Variants in ITGA5 observed in about 807,000 individuals in gnomAD.
ITGA5 encodes the protein integrin alpha-5.
Under a neutral mutation model 146.3 loss-of-function variants are expected in ITGA5, and 55 were observed. That is an observed-to-expected ratio of 0.38 (90% confidence interval 0.30 to 0.47). The LOEUF (loss-of-function observed/expected upper bound fraction) is 0.47. ITGA5 is among the 20% of genes least tolerant of loss of function. The pLI is 0.99. For missense variants in ITGA5, 1,131 were observed against 1,329.0 expected (o/e 0.85, Z 2.32); for synonymous variants, 500 against 531.8 (o/e 0.94, Z 0.82).
rs991102623 is a variant in ITGA5, at chr12:54,405,609, T to A, written c.1016+55A>T. 8 of 1,471,370 alleles carry A rather than the reference T, an allele frequency of 5.4e-6. No individual in the cohort carries two copies. The African/African-American group carries it at 1.1e-4, about 21-fold the overall frequency. The allele number at this position is 1,471,370 out of a possible 1,614,324, so 91.1% of individuals were successfully genotyped here. On this transcript the variant is annotated intron_variant, in intron 11 of 29. Coordinates refer to ENST00000293379, the MANE Select transcript of ITGA5 (RefSeq NM_002205.5). ...CTTGCATTTTCTGTCCCATTCCCAC[T>A]CTTCCCTCTTGGTTCTGGGAGGGTA...
At position 54,407,591 on chromosome 12, in the gene ITGA5, C is replaced by T. The variant is rs116466091; in HGVS notation, c.906+58G>A. Reference sequence around the variant, plus strand: ...TTGAGCCCTTGCAAACTGCCATGCACGGTTCTTTGTGATTAGGCAGGGGAG... The same window carrying T: ...TTGAGCCCTTGCAAACTGCCATGCATGGTTCTTTGTGATTAGGCAGGGGAG... On this transcript the variant is annotated intron_variant, in intron 9 of 29. Transcript: ENST00000293379. 1,215 of 1,447,170 alleles carry T rather than the reference C, an allele frequency of 8.4e-4. 12 individuals carry two copies. In the African/African-American group the frequency reaches 0.015, roughly 18 times the overall value. The allele number at this position is 1,447,170 out of a possible 1,614,324, so 89.6% of individuals were successfully genotyped here.
At position 54,411,724 on chromosome 12, in the gene ITGA5, A is replaced by ACGTGGC. The variant is rs1303685892; in HGVS notation, c.349+104_349+109dup. The ACGTGGC allele has an allele frequency of 7.7e-6, 7 of 910,744 alleles. No homozygotes were observed. In the East Asian group the frequency reaches 1.9e-4, roughly 25 times the overall value. 56.4% of individuals were successfully genotyped at this position (910,744 alleles called of 1,614,324 possible). A position where few individuals can be genotyped will look rare whatever the true frequency, so the allele number is the denominator to read the frequency against. On this transcript the variant is annotated intron_variant, in intron 2 of 29. Coordinates refer to ENST00000293379, the MANE Select transcript of ITGA5 (RefSeq NM_002205.5). ...GCACCAGAGCTGGTGCTGAGAGGTCACGTGGCCGGGGTTCCAGCAGGCTCC... is the reference window on the plus strand; with the variant it reads ...GCACCAGAGCTGGTGCTGAGAGGTCACGTGGCCGTGGCCGGGGTTCCAGCAGGCTCC...
At chr12:54,405,097 C>G in intron 12 of ITGA5, 69 bp downstream of exon 12, 15 of 1,401,958 alleles carry the variant, frequency 1.1e-5, no homozygotes, top group Non-Finnish European at 1.5e-5. Context: ...TGACAGATGC[C>G]CTCTCCCCAA....
chr12:54,402,565 G>A (rs1418381660), intron 19 of ITGA5, among the ~76,000 whole-genome samples: 1 of 151,980 alleles, frequency 6.6e-6, no homozygotes, highest in Non-Finnish European at 1.5e-5. Flanking sequence ...GCCCGGCATG[G>A]TGGCAGGCAC....
chr12:54,408,796 G>A lies in ITGA5; in HGVS notation c.651C>T (p.Gly217=), dbSNP rs2230393. The A allele has an allele frequency of 0.015, 24,967 of 1,613,076 alleles. 575 individuals are homozygous for A. Among genetic ancestry groups the A allele is most frequent in the South Asian group, 0.075 (6,856 of 91,004 alleles). The change falls in exon 6 of 30, where the codon GGC becomes GGT. Residue 217 remains glycine, a synonymous_variant. Coordinates refer to ENST00000293379, the MANE Select transcript of ITGA5 (RefSeq NM_002205.5). The stretch of plus-strand genomic sequence containing the variant: ...TTCCTGGTCCACCTAAAACCACACG[G>A]CCAGTCTGTGGGTGAAAGGAGGGGA... ...GGFSAEFTKT[G]RVVLGGPGSY...
rs199535300 is a variant in ITGA5, at chr12:54,405,859, G to A, written c.963+11C>T. 1 of 1,613,198 alleles carries A rather than the reference G, an allele frequency of 6.2e-7. No individual in the cohort carries two copies. Among genetic ancestry groups the A allele is most frequent in the South Asian group, 1.1e-5 (1 of 91,056 alleles). On this transcript the variant is annotated intron_variant, in intron 10 of 29. Transcript: ENST00000293379. ...AGGCCAAGCTGGGGTGGGGTTGAGG[G>A]GTATCCTTACCTGTTCCCCTGAGAA...
rs763209005 is a variant in ITGA5 at position 54,402,346 on chromosome 12, AG to A, written c.1983-17del. 1 of 1,598,052 alleles carries A rather than the reference AG, an allele frequency of 6.3e-7. No homozygotes were observed. Among genetic ancestry groups the A allele is most frequent in the South Asian group, 1.1e-5 (1 of 90,060 alleles). On this transcript the variant is annotated splice_polypyrimidine_tract_variant and intron_variant, in intron 19 of 29. Transcript: ENST00000293379. ...GTTCTGCTCCCTGGAAGGGACACAG[AG>A]GGTAAGGGACATTGGTGAATTAATC...
chr12:54,417,444 T>A (rs1430763573), intron 1 of ITGA5, among the ~76,000 whole-genome samples: 1 of 118,978 alleles, frequency 8.4e-6, no homozygotes, highest in African/African-American at 3.4e-5. Context: ...CAGGCCAGGG[T>A]GATGATGCAA....
intron 9 of ITGA5, chr12:54,407,313 CTAA>C: frequency 3.0e-6 from 1 of 338,374 alleles, no homozygotes; most frequent in East Asian, 5.5e-5. Context: ...TTGTCCTGGT[CTAA>C]TAATAACATC....
intron 29 of ITGA5, 79 bp from the exon 30 acceptor site, chr12:54,396,455 G>T: frequency 2.5e-6 from 3 of 1,200,060 alleles, no homozygotes; most frequent in Non-Finnish European, 3.7e-6. Flanking sequence ...GAAGTAATAA[G>T]GAGGACTCTA....
intron 2 of ITGA5, among the ~76,000 whole-genome samples, chr12:54,410,349 T>TC (rs1353716112): frequency 1.4e-5 from 2 of 143,540 alleles, no homozygotes; most frequent in Non-Finnish European, 3.1e-5. Context: ...TCCACCTCCT[T>TC]TTTTTTTTTT....
chr12:54,408,539 A>G (rs1955897502), intron 6 of ITGA5, among the ~76,000 whole-genome samples: 1 of 152,032 alleles, frequency 6.6e-6, no homozygotes, highest in African/African-American at 2.4e-5. Flanking sequence ...CAGCCTGGCC[A>G]AGATGGTGAA....
Position 54,399,967 on chromosome 12 carries a change from G to A in ITGA5, c.2644-20C>T. On this transcript the variant is annotated intron_variant, in intron 25 of 29. Transcript: ENST00000293379. ...ATCCAACTATAAAAGAAAGTGTTGG[G>A]CCCCTTTCCCATCTCATTACAGCTT... is the stretch of plus-strand genomic sequence containing the variant. The A allele has an allele frequency of 1.3e-6, 2 of 1,588,124 alleles. No homozygotes were observed. The highest frequency in any genetic ancestry group is 1.1e-5 in the South Asian group (1 of 90,558).
In ITGA5 at chr12:54,409,508, G is replaced by C. The variant is rs775266866; in HGVS notation, c.439C>G (p.Arg147Gly). 1 of 1,613,680 alleles carries C rather than the reference G, an allele frequency of 6.2e-7. No homozygotes were observed. Among genetic ancestry groups the C allele is most frequent in the Non-Finnish European group, 8.5e-7 (1 of 1,179,776 alleles). The change falls in exon 3 of 30, where the codon CGA becomes GGA. Residue 147 changes from arginine (R) to glycine (G), a missense_variant. Coordinates refer to ENST00000293379, the MANE Select transcript of ITGA5 (RefSeq NM_002205.5). The surrounding 1 kb of genome is among the most constrained non-coding windows in gnomAD (Gnocchi z 4.7). Reference protein sequence around the residue: ...KSLQWFGATVRAHGSSILACA... With the variant: ...KSLQWFGATVGAHGSSILACA... ...ACCAAGATGGAGGAGCCATGGGCTC[G>C]AACTGTTGCCCCGAACCACTGCAAG...
chr12:54,403,063 G>A lies in ITGA5; in HGVS notation c.1915-13C>T, dbSNP rs895865376. ...GCAAGATCTGAGCCTGGGGAGCAGG[G>A]CAGCCTTGAGAGGGGAAGTTTAGAC... On this transcript the variant is annotated splice_polypyrimidine_tract_variant and intron_variant, in intron 18 of 29. Coordinates refer to ENST00000293379, the MANE Select transcript of ITGA5 (RefSeq NM_002205.5). This position sits in a 1 kb window ranked among gnomAD's most constrained non-coding sequence, Gnocchi z 4.9. 3.7e-6 allele frequency: 6 copies of A among 1,613,936 alleles called. No homozygotes were observed. The Admixed American group carries it at 1.0e-4, about 27-fold the overall frequency.
At chr12:54,402,817 A>G (rs1955806130) in intron 19 of ITGA5, among the ~76,000 whole-genome samples, 166 bp downstream of exon 19, 1 of 152,232 alleles carries the variant, frequency 6.6e-6, no homozygotes, top group Non-Finnish European at 1.5e-5. Flanking sequence ...ATCTTTCCAA[A>G]AAGTCTGAGA....
chr12:54,404,738 C>G lies in ITGA5; in HGVS notation c.1382G>C (p.Arg461Pro). 6.2e-7 allele frequency: 1 copy of G among 1,614,130 alleles called. No individual in the cohort carries two copies. The highest frequency in any genetic ancestry group is 8.5e-7 in the Non-Finnish European group (1 of 1,180,026). The part of the protein sequence containing the change: ...HTPDFFGSAL[R>P]GGRDLDGNGY... ...ATTGCCATCCAGGTCTCGGCCTCCT[C>G]GAAGGGCAGAGCCAAAGAAGTCTGG... The change falls in exon 13 of 30, where the codon CGA (arginine) becomes CCA (proline). Residue 461 changes from arginine (R) to proline (P), a missense_variant. Around this residue, in one of 3 missense-constraint regions of ITGA5, gnomAD observed 889 missense variants for 1,021.5 expected, o/e 0.87. Transcript: ENST00000293379.
At position 54,404,825 on chromosome 12, in the gene ITGA5, G is replaced by A. The variant is rs1955840960; in HGVS notation, c.1295C>T (p.Pro432Leu). The change falls in exon 13 of 30, where the codon CCA becomes CTA. Residue 432 changes from proline to leucine, a missense_variant. Physicochemically the swap from Pro to Leu is moderately conservative, Grantham distance 98 (BLOSUM62 -3). Around this residue, in one of 3 missense-constraint regions of ITGA5, gnomAD observed 889 missense variants for 1,021.5 expected, o/e 0.87. Coordinates refer to ENST00000293379, the MANE Select transcript of ITGA5 (RefSeq NM_002205.5). ...GGAAGGCTTAGAGCCCAGCCCTCCT[G>A]GGCCCCCAGGAAATACAAACACTAC... is the stretch of plus-strand genomic sequence containing the variant. ...QGVVFVFPGG[P>L]GGLGSKPSQV... The A allele has an allele frequency of 1.2e-6, 2 of 1,612,110 alleles. No individual in the cohort carries two copies. Among genetic ancestry groups the A allele is most frequent in the Non-Finnish European group, 1.7e-6 (2 of 1,179,340 alleles).
intron 28 of ITGA5, among the ~76,000 whole-genome samples, chr12:54,398,198 T>C (rs532364878): frequency 6.6e-6 from 1 of 152,268 alleles, no homozygotes; most frequent in Non-Finnish European, 1.5e-5. Flanking sequence ...GCGCTCAGCC[T>C]CATATCTGTT....
Sources: gnomAD v4.1 joint callset for allele counts (sites outside exome capture counted in the v4.1 genomes callset) on GRCh38, gnomAD v4.1.1 for gene constraint, gnomAD v4.1.1 regional missense constraint, Gnocchi (gnomAD v3.1) non-coding constraint, MANE v1.5 for transcripts, NCBI Gene and HGNC (gene_info 2026-07-23, HGNC 2026-07-21) for gene names.